TMEM114: variants seen among roughly 807,000 people sequenced by gnomAD.
TMEM114 encodes the protein transmembrane protein 114, also known as claudin-26.
Under a neutral mutation model 6.2 loss-of-function variants are expected in TMEM114, and 6 were observed. That is an observed-to-expected ratio of 0.97 (90% CI 0.53 to 1.91). The LOEUF is 1.91. Ranked by LOEUF, TMEM114 falls within the 40% of genes most tolerant of loss-of-function variation. The probability of loss-of-function intolerance (pLI) is 0.01; values close to 1 mark genes in which losing one functional copy is unlikely to be tolerated. For missense variants in TMEM114, 218 were observed against 158.3 expected (o/e 1.38, Z -2.02); for synonymous variants, 104 against 73.0 (o/e 1.42, Z -2.16).
At chr16:8,585,406 TTTC>T (rs1222172842) in intron 2 of TMEM114, among the ~76,000 whole-genome samples, 1 of 152,000 alleles carries the variant, frequency 6.6e-6, no homozygotes, top group Non-Finnish European at 1.5e-5. Flanking sequence ...CTGTGAGGGT[TTTC>T]TTAGAGGAAA....
At chr16:8,575,863 T>G (rs1355499386) in intron 2 of TMEM114, among the ~76,000 whole-genome samples, 1 of 152,216 alleles carries the variant, frequency 6.6e-6, no homozygotes, top group Non-Finnish European at 1.5e-5. Context: ...CTTTTGGTAA[T>G]GTGGAAAGCC....
intron 2 of TMEM114, among the ~76,000 whole-genome samples, chr16:8,585,706 G>A (rs1313405661): frequency 2.0e-5 from 3 of 152,028 alleles, no homozygotes; most frequent in African/African-American, 4.8e-5. Context: ...CCTTTTTCAT[G>A]GAGGATATAA....
chr16:8,572,677 C>A (rs1164343358), intron 2 of TMEM114, among the ~76,000 whole-genome samples: 1 of 152,208 alleles, frequency 6.6e-6, no homozygotes, highest in African/African-American at 2.4e-5. Flanking sequence ...CCCAAGCGAT[C>A]CTCCTGCCTT....
chr16:8,532,539 T>C, the TMEM114 span, among the ~76,000 whole-genome samples: 1 of 152,252 alleles, frequency 6.6e-6, no homozygotes, highest in South Asian at 2.1e-4. Flanking sequence ...TAAAATTACA[T>C]TCTAGGGGTC....
chr16:8,534,430 A>G (rs924058016), downstream of TMEM114, among the ~76,000 whole-genome samples: 1 of 151,948 alleles, frequency 6.6e-6, no homozygotes, highest in African/African-American at 2.4e-5. Context: ...GAGAAGTGGG[A>G]GCAGGTGGAG....
chr16:8,573,437 G>A (rs951084508), intron 2 of TMEM114, among the ~76,000 whole-genome samples: 2 of 152,208 alleles, frequency 1.3e-5, no homozygotes, highest in South Asian at 4.2e-4. Context: ...TGGAAAAGAC[G>A]AATGACAAGA....
chr16:8,584,671 C>T (rs760559537), intron 2 of TMEM114, among the ~76,000 whole-genome samples: 4 of 152,076 alleles, frequency 2.6e-5, no homozygotes, highest in Non-Finnish European at 5.9e-5. Context: ...CCTGTAATCC[C>T]AGCACTTTGG....
At chr16:8,544,751 A>G (rs1279883338) in intron 2 of TMEM114, among the ~76,000 whole-genome samples, 1 of 152,244 alleles carries the variant, frequency 6.6e-6, no homozygotes, top group East Asian at 1.9e-4. Flanking sequence ...CAAAAGTCAT[A>G]GTAAGTTCAG....
intron 2 of TMEM114, among the ~76,000 whole-genome samples, chr16:8,554,470 C>A (rs117719860): frequency 6.6e-6 from 1 of 152,076 alleles, no homozygotes; most frequent in Non-Finnish European, 1.5e-5. Context: ...CCTTCTTGAC[C>A]TCTCATAGCC....
intron 2 of TMEM114, among the ~76,000 whole-genome samples, chr16:8,544,296 G>A (rs1165116970): frequency 1.3e-5 from 2 of 152,272 alleles, no homozygotes; most frequent in South Asian, 2.1e-4. Context: ...AGTGGTAAAC[G>A]AATACTCAAC....
At chr16:8,549,790 G>A (rs1900786229) in intron 2 of TMEM114, among the ~76,000 whole-genome samples, 1 of 152,126 alleles carries the variant, frequency 6.6e-6, no homozygotes, top group South Asian at 2.1e-4. Context: ...GTATTAGTCA[G>A]GGTTCTCTAG....
At position 8,542,998 on chromosome 16, in the gene TMEM114, C is replaced by T. The variant is rs1432100273; in HGVS notation, n.213-5172G>A. Among the ~76,000 whole-genome samples, 3 of 152,214 alleles carry T rather than the reference C, an allele frequency of 2.0e-5. No individual in the cohort carries two copies. The East Asian group carries it at 5.8e-4, about 29-fold the overall frequency. On this transcript the variant is annotated intron_variant and non_coding_transcript_variant, in intron 2 of 2. Coordinates refer to the TMEM114 transcript ENST00000623677. ...TGAAAATGTTATACTGTAATAACTC[C>T]TAGCCAGGAGAAAAGGCAGTGCTGC...
At chr16:8,529,317 A>G in the TMEM114 span, among the ~76,000 whole-genome samples, 1 of 152,238 alleles carries the variant, frequency 6.6e-6, no homozygotes, top group African/African-American at 2.4e-5. Context: ...AGGACTCCCC[A>G]AAGCCATCTG....
At chr16:8,539,859 C>A (rs1017858807) in intron 2 of TMEM114, among the ~76,000 whole-genome samples, 5 of 152,068 alleles carry the variant, frequency 3.3e-5, no homozygotes, top group African/African-American at 4.8e-5. Context: ...GCTCTGCCAC[C>A]CAGGCTGGAA....
At chr16:8,570,715 G>A (rs1901706762) in intron 3 of TMEM114, among the ~76,000 whole-genome samples, 1 of 152,160 alleles carries the variant, frequency 6.6e-6, no homozygotes, top group Non-Finnish European at 1.5e-5. Flanking sequence ...CAATTCCCCA[G>A]CACCGAGAAC....
At chr16:8,532,055 C>T in the TMEM114 span, 1 of 152,172 alleles carries the variant, frequency 6.6e-6, no homozygotes, top group Non-Finnish European at 1.5e-5. Flanking sequence ...ATGGAAGAGC[C>T]AGTGGGAATG....
intron 2 of TMEM114, among the ~76,000 whole-genome samples, chr16:8,555,931 C>T (rs564672698): frequency 1.3e-5 from 2 of 152,302 alleles, no homozygotes; most frequent in African/African-American, 4.8e-5. Context: ...CTCCAACTGC[C>T]TCTTGGACGT....
At chr16:8,556,412 A>G (rs1901009939) in intron 2 of TMEM114, among the ~76,000 whole-genome samples, 2 of 152,088 alleles carry the variant, frequency 1.3e-5, no homozygotes, top group African/African-American at 2.4e-5. Context: ...GGGGATGAAA[A>G]TGTTCTAGAA....
intron 2 of TMEM114, among the ~76,000 whole-genome samples, chr16:8,563,253 GT>G (rs1372013269): frequency 6.6e-6 from 1 of 151,594 alleles, no homozygotes; most frequent in Non-Finnish European, 1.5e-5. Flanking sequence ...GAGTCAGTGA[GT>G]GAATGAATGA....
Sources: gnomAD v4.1 joint callset for allele counts (sites outside exome capture counted in the v4.1 genomes callset) on GRCh38, gnomAD v4.1.1 for gene constraint, MANE v1.5 for transcripts, NCBI Gene and HGNC (gene_info 2026-07-23, HGNC 2026-07-21) for gene names.